PARD3B: variants seen among roughly 807,000 people sequenced by gnomAD.
The protein encoded by PARD3B is partitioning defective 3 homolog B.
Under a neutral mutation model 130.2 loss-of-function variants are expected in PARD3B, and 103 were observed. The observed-to-expected ratio is 0.79, with a 90% CI of 0.67 to 0.93. The LOEUF is 0.93. PARD3B is among the 40% of genes least tolerant of loss of function. The pLI is 0.00. For missense variants in PARD3B, 1,609 were observed against 1,499.2 expected (o/e 1.07, Z -1.21); for synonymous variants, 583 against 553.2 (o/e 1.05, Z -0.76).
At chr2:204,705,359 C>T (rs559776054) in intron 2 of PARD3B, among the ~76,000 whole-genome samples, 2 of 152,068 alleles carry the variant, frequency 1.3e-5, no homozygotes, top group Non-Finnish European at 2.9e-5. Flanking sequence ...GCTATAAAGA[C>T]ACACATAGTG....
At chr2:205,063,748 C>T (rs566510776) in intron 4 of PARD3B, among the ~76,000 whole-genome samples, 2 of 151,938 alleles carry the variant, frequency 1.3e-5, no homozygotes, top group Non-Finnish European at 2.9e-5. Context: ...AAATAAATGG[C>T]AGAAATATTT....
At chr2:204,711,828 G>A (rs1348207436) in intron 2 of PARD3B, among the ~76,000 whole-genome samples, 2 of 152,112 alleles carry the variant, frequency 1.3e-5, no homozygotes, top group Non-Finnish European at 2.9e-5. Flanking sequence ...GATTACAGAC[G>A]TGAGCCATTG....
At chr2:204,849,317 A>G (rs1188874420) in intron 2 of PARD3B, among the ~76,000 whole-genome samples, 1 of 152,212 alleles carries the variant, frequency 6.6e-6, no homozygotes, top group Non-Finnish European at 1.5e-5. Flanking sequence ...TACTGTATGC[A>G]TATTATTTAA....
chr2:205,024,132 A>G (rs1696836625), intron 3 of PARD3B, among the ~76,000 whole-genome samples: 1 of 148,816 alleles, frequency 6.7e-6, no homozygotes, highest in Non-Finnish European at 1.5e-5. Context: ...AGCTATGATC[A>G]TGTATGCCTC....
intron 4 of PARD3B, among the ~76,000 whole-genome samples, chr2:205,060,212 T>C (rs1186527997): frequency 6.6e-6 from 1 of 152,138 alleles, no homozygotes; most frequent in East Asian, 1.9e-4. Flanking sequence ...TATCAGCCCC[T>C]CCTCCTAAAA....
intron 10 of PARD3B, among the ~76,000 whole-genome samples, chr2:205,151,571 A>C (rs2033760233): frequency 6.6e-6 from 1 of 152,122 alleles, no homozygotes; most frequent in African/African-American, 2.4e-5. Context: ...TTTATCAGAG[A>C]CTAGGATTGC....
rs186509528 is a variant in PARD3B, at chr2:204,772,590, G to A, written c.222+86308G>A. Among the ~76,000 whole-genome samples, 90 of 152,222 alleles carry A rather than the reference G, an allele frequency of 5.9e-4. 1 individual carries two copies. In the East Asian group the frequency reaches 0.015, roughly 25 times the overall value. ...AACACAGTTTATATTTTGCATTTTT[G>A]TAAGGGAACAGTTGACAAGCACATT... On this transcript the variant is annotated intron_variant, in intron 2 of 22. Transcript: ENST00000406610.
intron 3 of PARD3B, among the ~76,000 whole-genome samples, chr2:205,028,756 C>A (rs1229601564): frequency 6.6e-6 from 1 of 152,122 alleles, no homozygotes; most frequent in Non-Finnish European, 1.5e-5. Flanking sequence ...ATGTCATGAT[C>A]TTTTACATAG....
intron 2 of PARD3B, among the ~76,000 whole-genome samples, chr2:204,714,539 A>G (rs1433542573): frequency 1.3e-5 from 2 of 152,220 alleles, no homozygotes; most frequent in Non-Finnish European, 2.9e-5. Context: ...ACACAAAAGC[A>G]CAGTGTGACT....
At chr2:205,211,247 C>T (rs1343866789) in intron 15 of PARD3B, among the ~76,000 whole-genome samples, 2 of 152,192 alleles carry the variant, frequency 1.3e-5, no homozygotes, top group Admixed American at 1.3e-4. Context: ...TAAACACCTA[C>T]TCTGCTTTTA....
Position 205,378,816 on chromosome 2 carries a change from G to A in PARD3B, c.2631-22197G>A, listed in dbSNP as rs955831017. ...CCAGCTAATTTTTGTATTTTTAGTA[G>A]AGACGGGGTTTCACTATGTTGGCCA... is the stretch of plus-strand genomic sequence containing the variant. On this transcript the variant is annotated intron_variant, in intron 18 of 22. Coordinates refer to ENST00000406610, the MANE Select transcript of PARD3B (RefSeq NM_001302769.2). Among the ~76,000 whole-genome samples, 8 of 152,024 alleles carry A rather than the reference G, an allele frequency of 5.3e-5. No individual in the cohort carries two copies. In the East Asian group the frequency reaches 1.4e-3, roughly 26 times the overall value.
chr2:205,132,744 C>G (rs1311854526), intron 10 of PARD3B, among the ~76,000 whole-genome samples: 2 of 152,090 alleles, frequency 1.3e-5, no homozygotes, highest in African/African-American at 2.4e-5. Context: ...TTTCATTTAG[C>G]CTTTCAGTGT....
At chr2:204,571,959 A>G (rs2032028839) in intron 1 of PARD3B, among the ~76,000 whole-genome samples, 2 of 152,228 alleles carry the variant, frequency 1.3e-5, no homozygotes, top group Admixed American at 1.3e-4. Context: ...GCTACAGAAA[A>G]AATGGTAGGA....
At chr2:205,489,474 T>G (rs1356794383) in intron 20 of PARD3B, among the ~76,000 whole-genome samples, 1 of 149,730 alleles carries the variant, frequency 6.7e-6, no homozygotes, top group Non-Finnish European at 1.5e-5. Flanking sequence ...AGACTCTGCC[T>G]CTAAATATAC....
intron 1 of PARD3B, among the ~76,000 whole-genome samples, chr2:204,573,957 T>G (rs752882472): frequency 6.6e-6 from 1 of 152,178 alleles, no homozygotes; most frequent in East Asian, 1.9e-4. Flanking sequence ...TCTCCAAGTA[T>G]GTCTTAGCAG....
intron 3 of PARD3B, among the ~76,000 whole-genome samples, chr2:204,974,781 T>G (rs1406431725): frequency 1.3e-5 from 2 of 152,202 alleles, no homozygotes; most frequent in Non-Finnish European, 2.9e-5. Flanking sequence ...GTCTTAACGA[T>G]ACAGTTATGA....
rs2034367532 is a variant in PARD3B at position 205,159,280 on chromosome 2, T to C, written c.1620+373T>C. Among the ~76,000 whole-genome samples, 2 of 152,250 alleles carry C rather than the reference T, an allele frequency of 1.3e-5. 1 individual carries two copies. The highest frequency in any genetic ancestry group is 4.1e-4 in the South Asian group (2 of 4,836). ...ATAAAGGCAGCAAATAAGACAGTTG[T>C]GCTTGCAAGAATGAAAGCTCAGTGG... is the stretch of plus-strand genomic sequence containing the variant. On this transcript the variant is annotated intron_variant, in intron 11 of 22. Transcript: ENST00000406610.
At chr2:204,668,620 C>T (rs2036134672) in intron 1 of PARD3B, among the ~76,000 whole-genome samples, 1 of 152,154 alleles carries the variant, frequency 6.6e-6, no homozygotes. Flanking sequence ...TTCTAGCACA[C>T]TGACTTTTAT....
chr2:204,771,088 T>C (rs2041354263), intron 2 of PARD3B, among the ~76,000 whole-genome samples: 1 of 152,088 alleles, frequency 6.6e-6, no homozygotes, highest in African/African-American at 2.4e-5. Flanking sequence ...CTCTTAAAGA[T>C]CAGAGCAGGC....
Sources: gnomAD v4.1 joint callset for allele counts (sites outside exome capture counted in the v4.1 genomes callset) on GRCh38, gnomAD v4.1.1 for gene constraint, MANE v1.5 for transcripts, NCBI Gene and HGNC (gene_info 2026-07-23, HGNC 2026-07-21) for gene names.